Variants in ZAN observed in about 807,000 individuals in gnomAD.
ZAN encodes zonadhesin.
ZAN carries 260 observed loss-of-function variants against 286.2 expected under a neutral mutation model. The observed-to-expected ratio is 0.91, with a 90% confidence interval of 0.82 to 1.01. The LOEUF (loss-of-function observed/expected upper bound fraction) is 1.01, where lower values mean the gene tolerates loss of function less well. Ranked by LOEUF, ZAN falls within the 50% of genes least tolerant of loss-of-function variation. The probability of loss-of-function intolerance (pLI) is 0.00; values close to 1 mark genes in which losing one functional copy is unlikely to be tolerated. For missense variants in ZAN, 3,410 were observed against 3,639.2 expected (o/e 0.94, Z 1.62); for synonymous variants, 1,368 against 1,417.5 (o/e 0.97, Z 0.79).
intron 36 of ZAN, among the ~76,000 whole-genome samples, chr7:100,785,117 C>A (rs1308012732): frequency 2.0e-5 from 3 of 151,988 alleles, no homozygotes; most frequent in Non-Finnish European, 2.9e-5. Flanking sequence ...GATGGTGCCA[C>A]TGATGAGTCA....
chr7:100,750,956 T>G (rs528218446), intron 12 of ZAN, 60 bp downstream of exon 12: 13 of 1,509,962 alleles, frequency 8.6e-6, no homozygotes, highest in Non-Finnish European at 1.1e-5. Flanking sequence ...GCCTGGGATC[T>G]GGGGGCGCCA....
chr7:100,762,854 C>T lies in ZAN; in HGVS notation c.3986+496C>T, dbSNP rs1289680519. ...TCCTGAGCTCAAGCAATCCTCCCTTCTCTGCCTCCCAAGTAGCTTGGACTA... is the reference window on the plus strand; with the variant it reads ...TCCTGAGCTCAAGCAATCCTCCCTTTTCTGCCTCCCAAGTAGCTTGGACTA... On this transcript the variant is annotated intron_variant, in intron 20 of 47. Transcript: ENST00000613979. 2.0e-5 allele frequency among the ~76,000 whole-genome samples: 3 copies of T among 151,828 alleles called. No homozygotes were observed. The East Asian group carries it at 5.8e-4, about 29-fold the overall frequency.
chr7:100,765,237 C>T lies in ZAN; in HGVS notation c.4268-115C>T, dbSNP rs1809871203. ...AAGCTTCTCACAGTCACTCTCTCTT[C>T]TCGAGATTGGCCAGAAGCCTGGAGC... On this transcript the variant is annotated intron_variant, in intron 22 of 47. Transcript: ENST00000613979. 2.5e-6 allele frequency: 3 copies of T among 1,201,138 alleles called. No homozygotes were observed. The South Asian group carries it at 4.4e-5, about 18-fold the overall frequency. 74.4% of individuals were successfully genotyped at this position (1,201,138 alleles called of 1,614,324 possible).
chr7:100,743,722 C>T lies in ZAN; in HGVS notation c.767-2816C>T, dbSNP rs974391377. On this transcript the variant is annotated intron_variant, in intron 7 of 47. Transcript: ENST00000613979. ...TGAGATCTTGTCTCTACAAAAAATA[C>T]AAAAATTAGCCCAGTGTGGTGGCAC... is the stretch of plus-strand genomic sequence containing the variant. Among the ~76,000 whole-genome samples the T allele has an allele frequency of 7.3e-5, 11 of 151,056 alleles. No individual in the cohort carries two copies. The Admixed American group carries it at 7.3e-4, about 10-fold the overall frequency.
rs771622384 is a variant in ZAN at position 100,794,087 on chromosome 7, G to C, written c.7987-33G>C. ...GGAGAGCCAGACCAGGGATGGAACT[G>C]GAACGTCTCCTCCTGGCCCTTCCCC... On this transcript the variant is annotated intron_variant, in intron 43 of 47. Transcript: ENST00000613979. 5.0e-6 allele frequency: 8 copies of C among 1,613,668 alleles called. No individual in the cohort carries two copies. The African/African-American group carries it at 1.1e-4, about 22-fold the overall frequency.
At chr7:100,753,439 TG>T (rs1158569773) in intron 14 of ZAN, among the ~76,000 whole-genome samples, 3 of 152,054 alleles carry the variant, frequency 2.0e-5, no homozygotes, top group Non-Finnish European at 4.4e-5. Flanking sequence ...CTGGAGTGGG[TG>T]GGGGTGTCAG....
Position 100,746,710 on chromosome 7 carries a change from C to T in ZAN, c.931+8C>T, listed in dbSNP as rs114863851. The T allele has an allele frequency of 4.8e-3, 7,807 of 1,613,524 alleles. 318 individuals carry two copies. In the African/African-American group the frequency reaches 0.086, roughly 18 times the overall value. On this transcript the variant is annotated splice_region_variant and intron_variant, in intron 8 of 47. Transcript: ENST00000613979. ...TTTATGCTTCAGTCTTGGGTTAGAG[C>T]GGAGAATTAATGGGATTTACACTGA... is the stretch of plus-strand genomic sequence containing the variant.
chr7:100,780,067 C>T (rs1811100734), intron 35 of ZAN, among the ~76,000 whole-genome samples: 1 of 151,918 alleles, frequency 6.6e-6, no homozygotes, highest in Non-Finnish European at 1.5e-5. Flanking sequence ...GTGGCACATG[C>T]CTGTAATCCC....
chr7:100,744,813 A>T (rs1584553506), intron 7 of ZAN, among the ~76,000 whole-genome samples: 1 of 141,096 alleles, frequency 7.1e-6, no homozygotes. Flanking sequence ...TATTTTCTTC[A>T]CCTTTCACTT....
Position 100,763,891 on chromosome 7 carries a change from C to G in ZAN, c.4072C>G (p.Leu1358Val). The G allele has an allele frequency of 6.2e-7, 1 of 1,613,998 alleles. No homozygotes were observed. Among genetic ancestry groups the G allele is most frequent in the Non-Finnish European group, 8.5e-7 (1 of 1,179,884 alleles). ...GTCGGGGCCAGGGTTCTGTGGACGG[C>G]TGGTCGACACTCATGGCCCATTTGA... ...SMSGPGFCGR[L>V]VDTHGPFETC... The change falls in exon 21 of 48, where the codon CTG becomes GTG. Residue 1358 changes from leucine to valine, a missense_variant. By Grantham distance (32) the Leu-to-Val change is conservative (BLOSUM62 1). Transcript: ENST00000613979. The surrounding 1 kb of genome is among the most constrained non-coding windows in gnomAD (Gnocchi z 4.6).
chr7:100,747,987 G>GAAAAA, intron 9 of ZAN, 150 bp from the exon 10 acceptor site: 44 of 582,602 alleles, frequency 7.6e-5, no homozygotes, highest in Non-Finnish European at 1.2e-4. Context: ...GCAAGACTCT[G>GAAAAA]AAAAAAAAAA....
rs13228386 is a variant in ZAN at position 100,752,072 on chromosome 7, T to C, written c.1967T>C (p.Val656Ala). 1 of 1,607,378 alleles carries C rather than the reference T, an allele frequency of 6.2e-7. No individual in the cohort carries two copies. The highest frequency in any genetic ancestry group is 1.7e-5 in the Admixed American group (1 of 59,200). Residue 656 changes from valine to alanine, a missense_variant, in exon 14 of 48, where the codon GTC (valine) becomes GCC (alanine). Val to Ala is a moderately conservative substitution (Grantham distance 64). Coordinates refer to ENST00000613979, the MANE Select transcript of ZAN (RefSeq NM_003386.3). ...KPTISTEKPT[V>A]PTEEPTTPTE... is the part of the protein sequence containing the mutation. ...ACCATTTCCACAGAAAAACCCACCG[T>C]CCCCACAGAAGAGCCCACCACCCCC...
intron 11 of ZAN, among the ~76,000 whole-genome samples, chr7:100,749,695 TACACACATATATATATACACAC>T (rs1319196396): frequency 1.0e-3 from 139 of 133,552 alleles, no homozygotes; most frequent in African/African-American, 3.6e-3. Flanking sequence ...CACATATATA[TACACACATATATATATACACAC>T]ACACACATAT....
Position 100,748,226 on chromosome 7 carries a change from G to A in ZAN, c.1102+11G>A, listed in dbSNP as rs1452360378. 6.2e-7 allele frequency: 1 copy of A among 1,613,902 alleles called. No homozygotes were observed. On this transcript the variant is annotated intron_variant, in intron 10 of 47. Transcript: ENST00000613979. ...TTGCTCCTTGTGGGGGTGAGAGCAG[G>A]CCCTGAGAGGCCCGGATCTCTCAGA... is the stretch of plus-strand genomic sequence containing the variant.
chr7:100,780,215 T>A (rs1193196777), intron 35 of ZAN, among the ~76,000 whole-genome samples: 1 of 151,964 alleles, frequency 6.6e-6, no homozygotes, highest in African/African-American at 2.4e-5. Flanking sequence ...AAAGTGTCTT[T>A]TAGTATCTTG....
rs1382391005 is a variant in ZAN at position 100,762,274 on chromosome 7, A to G, written c.3902A>G (p.Asp1301Gly). The G allele has an allele frequency of 1.2e-6, 2 of 1,613,614 alleles. No individual in the cohort carries two copies. Among genetic ancestry groups the G allele is most frequent in the Admixed American group, 3.3e-5 (2 of 59,960 alleles). ...AACTATGACGGCAACAGTGACAATG[A>G]CCACCTGAAGTTGGACGGCAGCCCA... is the stretch of plus-strand genomic sequence containing the variant. ...CGNYDGNSDNDHLKLDGSPAG... is the reference protein window; with the variant it reads ...CGNYDGNSDNGHLKLDGSPAG... Residue 1301 changes from aspartate to glycine, a missense_variant, in exon 20 of 48, where the codon GAC becomes GGC. Asp to Gly is a moderately conservative substitution (Grantham distance 94, BLOSUM62 -1). Coordinates refer to ENST00000613979, the MANE Select transcript of ZAN (RefSeq NM_003386.3).
intron 22 of ZAN, among the ~76,000 whole-genome samples, chr7:100,764,579 A>G (rs1809823598): frequency 6.7e-6 from 1 of 149,994 alleles, no homozygotes; most frequent in African/African-American, 2.5e-5. Context: ...AATCCCAGCT[A>G]CTTGGAGGCT....
chr7:100,794,167 T>C lies in ZAN; in HGVS notation c.8034T>C (p.Cys2678=). The C allele has an allele frequency of 6.2e-7, 1 of 1,614,026 alleles. No individual in the cohort carries two copies. Among genetic ancestry groups the C allele is most frequent in the African/African-American group, 1.3e-5 (1 of 75,062 alleles). Residue 2678 remains cysteine (C), a synonymous_variant, in exon 44 of 48, where the codon TGT becomes TGC. Transcript: ENST00000613979. The part of the protein sequence containing the change: ...LTEDCSQRCT[C]ASSRILLCEP... ...AGGACTGCTCTCAGCGGTGCACCTG[T>C]GCCAGCTCACGGATCCTGCTGTGTG...
chr7:100,785,588 A>G (rs893049689), intron 36 of ZAN, among the ~76,000 whole-genome samples: 4 of 151,874 alleles, frequency 2.6e-5, no homozygotes, highest in East Asian at 1.9e-4. Flanking sequence ...GCCAGCATCA[A>G]TTAAGCCATT....
Sources: allele counts gnomAD v4.1 joint callset (sites outside exome capture counted in the v4.1 genomes callset), GRCh38; gene constraint gnomAD v4.1.1; non-coding constraint Gnocchi (gnomAD v3.1); transcripts MANE v1.5; gene names NCBI Gene and HGNC (gene_info 2026-07-23, HGNC 2026-07-21).